EBF1: variants seen among roughly 807,000 people sequenced by gnomAD.
EBF1 encodes EBF transcription factor 1.
A neutral mutation model predicts 68.4 loss-of-function variants in EBF1; 10 were observed. The ratio of observed to expected loss-of-function variants is 0.15; its 90% CI spans 0.09 to 0.25. The LOEUF (loss-of-function observed/expected upper bound fraction) is 0.25. Ranked by LOEUF, EBF1 falls within the 10% of genes least tolerant of loss-of-function variation. EBF1 has a pLI of 1.00. For missense variants in EBF1, 509 were observed against 794.4 expected (o/e 0.64, Z 4.32); for synonymous variants, 298 against 299.8 (o/e 0.99, Z 0.06).
intron 8 of EBF1, among the ~76,000 whole-genome samples, chr5:158,819,898 T>C (rs1196380481): frequency 2.0e-5 from 3 of 152,162 alleles, no homozygotes; most frequent in Non-Finnish European, 4.4e-5. Flanking sequence ...GGATTCACTA[T>C]CTTTGGACCA....
chr5:158,814,429 C>T (rs1783314470), intron 8 of EBF1, among the ~76,000 whole-genome samples: 1 of 152,192 alleles, frequency 6.6e-6, no homozygotes, highest in African/African-American at 2.4e-5. Context: ...CCCCAAATCT[C>T]CCCTACAACA....
chr5:158,705,115 A>G (rs1253863156), intron 15 of EBF1, among the ~76,000 whole-genome samples: 1 of 152,134 alleles, frequency 6.6e-6, no homozygotes, highest in Non-Finnish European at 1.5e-5. Context: ...CCTAGTAGCT[A>G]GAACTACAGG....
At chr5:158,790,707 T>G (rs774417314) in intron 9 of EBF1, among the ~76,000 whole-genome samples, 1 of 152,176 alleles carries the variant, frequency 6.6e-6, no homozygotes. Context: ...CCTGAAGAAC[T>G]AGTCTTCCAT....
At chr5:159,066,926 G>A (rs973633771) in intron 6 of EBF1, among the ~76,000 whole-genome samples, 2 of 152,166 alleles carry the variant, frequency 1.3e-5, no homozygotes, top group Non-Finnish European at 2.9e-5. Flanking sequence ...TTTGTAAAGA[G>A]AGGAATGGGA....
At chr5:159,009,401 C>T (rs929378951) in intron 6 of EBF1, among the ~76,000 whole-genome samples, 8 of 152,184 alleles carry the variant, frequency 5.3e-5, no homozygotes, top group Admixed American at 2.0e-4. Flanking sequence ...GACAAAAGAG[C>T]CTCGTTTAAG....
chr5:158,945,144 C>A (rs1409395635), intron 6 of EBF1, among the ~76,000 whole-genome samples: 2 of 152,154 alleles, frequency 1.3e-5, no homozygotes, highest in Non-Finnish European at 2.9e-5. Flanking sequence ...GAAGTCTTTG[C>A]CCATGCCTAT....
intron 11 of EBF1, among the ~76,000 whole-genome samples, chr5:158,723,454 T>C (rs1036326428): frequency 6.6e-6 from 1 of 152,206 alleles, no homozygotes; most frequent in Non-Finnish European, 1.5e-5. Context: ...CCTGGTTTAG[T>C]AGATTATATT....
intron 6 of EBF1, among the ~76,000 whole-genome samples, chr5:158,916,672 T>C (rs1807253089): frequency 2.0e-5 from 3 of 152,218 alleles, no homozygotes; most frequent in Admixed American, 2.0e-4. Flanking sequence ...GCCAAAGCTG[T>C]TAACCTAATA....
At chr5:158,805,039 T>C (rs571949387) in intron 8 of EBF1, among the ~76,000 whole-genome samples, 2 of 152,290 alleles carry the variant, frequency 1.3e-5, no homozygotes. Flanking sequence ...GGAGAACTTT[T>C]ATGCACAAAA....
At chr5:158,794,364 T>A (rs1440113899) in intron 9 of EBF1, among the ~76,000 whole-genome samples, 1 of 152,164 alleles carries the variant, frequency 6.6e-6, no homozygotes, top group Admixed American at 6.5e-5. Flanking sequence ...TTAAAGCAAT[T>A]TGGATAAATC....
At chr5:158,866,550 C>A (rs1215803963) in intron 6 of EBF1, among the ~76,000 whole-genome samples, 2 of 151,768 alleles carry the variant, frequency 1.3e-5, no homozygotes, top group Non-Finnish European at 2.9e-5. Context: ...AGCCAGTGTC[C>A]CGCAATTCAT....
intron 6 of EBF1, among the ~76,000 whole-genome samples, chr5:158,869,767 C>T (rs1204554082): frequency 6.6e-6 from 1 of 152,150 alleles, no homozygotes; most frequent in Non-Finnish European, 1.5e-5. Flanking sequence ...ATCTTGTGAA[C>T]ACTGGAAAGA....
chr5:159,004,654 A>T (rs1763207287), intron 6 of EBF1, among the ~76,000 whole-genome samples: 1 of 152,144 alleles, frequency 6.6e-6, no homozygotes, highest in Non-Finnish European at 1.5e-5. Context: ...CTTGTTCTAT[A>T]ATGAATTCCA....
intron 7 of EBF1, among the ~76,000 whole-genome samples, chr5:158,832,460 A>G (rs974444269): frequency 2.0e-5 from 3 of 152,232 alleles, no homozygotes; most frequent in Non-Finnish European, 4.4e-5. Flanking sequence ...CAGTATAATT[A>G]ATCAGCATGG....
At chr5:158,844,277 T>C (rs6887397) in intron 6 of EBF1, among the ~76,000 whole-genome samples, 2,208 of 150,910 alleles carry the variant, frequency 0.015, 60 homozygotes, top group African/African-American at 0.051. Context: ...TAATATCATC[T>C]TGTGTTCATG....
At chr5:158,875,324 ATTT>A (rs1278226704) in intron 6 of EBF1, among the ~76,000 whole-genome samples, 1 of 152,166 alleles carries the variant, frequency 6.6e-6, no homozygotes, top group South Asian at 2.1e-4. Flanking sequence ...ATTCCAAGTG[ATTT>A]TTTTAACCTT....
intron 6 of EBF1, among the ~76,000 whole-genome samples, chr5:159,070,277 T>C (rs1305184527): frequency 6.6e-6 from 1 of 152,194 alleles, no homozygotes; most frequent in Non-Finnish European, 1.5e-5. Flanking sequence ...TTCCTGCATT[T>C]ACAGCAATTT....
intron 6 of EBF1, among the ~76,000 whole-genome samples, chr5:158,918,662 CCTCTCACCCAT>C (rs148172864): frequency 2.4e-3 from 371 of 152,340 alleles, no homozygotes; most frequent in African/African-American, 8.3e-3. Context: ...ACTAAACCCA[CCTCTCACCCAT>C]CTCTCTCCAC....
intron 6 of EBF1, among the ~76,000 whole-genome samples, chr5:158,856,934 G>C (rs1039359906): frequency 2.0e-5 from 3 of 152,158 alleles, no homozygotes; most frequent in African/African-American, 7.2e-5. Flanking sequence ...CTTAGATACT[G>C]CATGGTAAAA....
Sources: allele counts gnomAD v4.1 joint callset (sites outside exome capture counted in the v4.1 genomes callset), GRCh38; gene constraint gnomAD v4.1.1; transcripts MANE v1.5; gene names NCBI Gene and HGNC (gene_info 2026-07-23, HGNC 2026-07-21).